The following STPG2 variants were observed in gnomAD, a reference collection of about 807,000 sequenced individuals.
STPG2 encodes the protein sperm tail PG-rich repeat containing 2, also known as sperm-tail PG-rich repeat-containing protein 2.
Under a neutral mutation model 54.2 loss-of-function variants are expected in STPG2, and 56 were observed. The observed-to-expected ratio is 1.03, with a 90% CI of 0.83 to 1.29. The LOEUF is 1.29. Ranked by LOEUF, STPG2 falls within the 50% of genes most tolerant of loss-of-function variation. The pLI is 0.00. For missense variants in STPG2, 596 were observed against 544.9 expected, an observed-to-expected ratio of 1.09 and a Z score of -0.93; for synonymous variants, 200 against 181.8, an observed-to-expected ratio of 1.10 and a Z score of -0.81.
chr4:97,545,306 T>C (rs1048288141), intron 4 of STPG2, among the ~76,000 whole-genome samples: 4 of 152,102 alleles, frequency 2.6e-5, no homozygotes, highest in East Asian at 1.9e-4. Flanking sequence ...TAGAGAAGCA[T>C]TGGCTCATAA....
chr4:97,863,897 G>GCAA, intron 8 of STPG2, among the ~76,000 whole-genome samples: 1 of 148,602 alleles, frequency 6.7e-6, no homozygotes, highest in Non-Finnish European at 1.5e-5. Context: ...ACAAAATTCA[G>GCAA]CCCTTCATGC....
intron 10 of STPG2, among the ~76,000 whole-genome samples, chr4:97,683,183 T>C (rs942330907): frequency 2.0e-5 from 3 of 151,784 alleles, no homozygotes; most frequent in Admixed American, 2.0e-4. Flanking sequence ...TCTTGTCACA[T>C]TACAATGAGC....
chr4:97,635,270 C>T (rs1056577067), intron 10 of STPG2, among the ~76,000 whole-genome samples: 1 of 152,194 alleles, frequency 6.6e-6, no homozygotes, highest in African/African-American at 2.4e-5. Context: ...AAATAAAATA[C>T]TTTACAGAGA....
At chr4:97,905,294 C>T (rs1731362045) in intron 8 of STPG2, among the ~76,000 whole-genome samples, 2 of 152,010 alleles carry the variant, frequency 1.3e-5, no homozygotes, top group South Asian at 2.1e-4. Context: ...ACAGTGGGGG[C>T]CAATATTCAA....
intron 2 of STPG2, among the ~76,000 whole-genome samples, chr4:98,130,694 G>A (rs1373651135): frequency 4.0e-5 from 6 of 151,788 alleles, no homozygotes; most frequent in African/African-American, 9.7e-5. Flanking sequence ...AGGCCGAGGC[G>A]GGTGGATCAC....
At chr4:97,697,554 T>C (rs1723617475) in intron 10 of STPG2, among the ~76,000 whole-genome samples, 1 of 152,192 alleles carries the variant, frequency 6.6e-6, no homozygotes, top group African/African-American at 2.4e-5. Flanking sequence ...CTGCGAGAAG[T>C]AGCTCACTGT....
chr4:97,702,510 G>C (rs1723808733), intron 10 of STPG2, among the ~76,000 whole-genome samples: 1 of 152,118 alleles, frequency 6.6e-6, no homozygotes, highest in Non-Finnish European at 1.5e-5. Flanking sequence ...GCAAATGGGG[G>C]CATTAGGGGT....
chr4:97,449,007 T>C (rs2148796452), intron 4 of STPG2, among the ~76,000 whole-genome samples: 1 of 152,242 alleles, frequency 6.6e-6, no homozygotes, highest in Admixed American at 6.5e-5. Context: ...CAATGCCATT[T>C]ATTGATATCT....
intron 6 of STPG2, among the ~76,000 whole-genome samples, chr4:97,977,645 G>C (rs1166825423): frequency 1.3e-5 from 2 of 152,196 alleles, no homozygotes; most frequent in African/African-American, 4.8e-5. Context: ...TTTTATCTGA[G>C]AAGTGCTAGA....
chr4:97,466,222 G>A (rs571430976), intron 4 of STPG2, among the ~76,000 whole-genome samples: 10 of 152,184 alleles, frequency 6.6e-5, no homozygotes, highest in African/African-American at 1.9e-4. Flanking sequence ...CAAGGCCGTA[G>A]AGTCTATTTG....
chr4:97,837,439 T>C (rs923241510), intron 9 of STPG2, among the ~76,000 whole-genome samples: 3 of 151,742 alleles, frequency 2.0e-5, no homozygotes, highest in Non-Finnish European at 4.4e-5. Flanking sequence ...AACAGGTCAA[T>C]GTGAGAGATA....
At chr4:97,919,694 A>G (rs1241798946) in intron 8 of STPG2, among the ~76,000 whole-genome samples, 1 of 152,154 alleles carries the variant, frequency 6.6e-6, no homozygotes, top group Non-Finnish European at 1.5e-5. Flanking sequence ...AGAAAAATCT[A>G]AGGTCCAGAA....
At chr4:97,904,682 C>G (rs906091016) in intron 8 of STPG2, among the ~76,000 whole-genome samples, 1 of 152,068 alleles carries the variant, frequency 6.6e-6, no homozygotes, top group Non-Finnish European at 1.5e-5. Flanking sequence ...ACATTCAAAC[C>G]AAAGGCAAAG....
intron 10 of STPG2, among the ~76,000 whole-genome samples, chr4:97,661,154 C>A (rs1360656073): frequency 6.6e-6 from 1 of 151,986 alleles, no homozygotes; most frequent in Non-Finnish European, 1.5e-5. Context: ...AGTAATGATT[C>A]CGTGGGTAAT....
chr4:97,560,792 A>G (rs998099468), intron 10 of STPG2, among the ~76,000 whole-genome samples: 1 of 152,184 alleles, frequency 6.6e-6, no homozygotes. Context: ...TATTCTCAGA[A>G]GGTGACAACA....
chr4:98,138,806 C>CA, intron 1 of STPG2, among the ~76,000 whole-genome samples: 1 of 152,022 alleles, frequency 6.6e-6, no homozygotes, highest in Non-Finnish European at 1.5e-5. Context: ...ACTCCCCCAC[C>CA]AAAAAAGAAA....
chr4:97,824,819 G>A (rs1728204026), intron 9 of STPG2, among the ~76,000 whole-genome samples: 1 of 152,120 alleles, frequency 6.6e-6, no homozygotes, highest in Admixed American at 6.6e-5. Flanking sequence ...CATTTTACGG[G>A]GGCAGCCTAG....
rs1237309532 is a variant in STPG2, at chr4:97,763,989, AC to A, written c.1205-51176del. Among the ~76,000 whole-genome samples, 9 of 151,176 alleles carry A rather than the reference AC, an allele frequency of 6.0e-5. No individual in the cohort carries two copies. The South Asian group carries it at 1.7e-3, about 28-fold the overall frequency. Reference sequence around the variant, plus strand: ...ATCCTCATCTTGCACCACTTTCCTAACCCCTCCCTATTTTAGCCACATGTGC... The same window carrying A: ...ATCCTCATCTTGCACCACTTTCCTAACCCTCCCTATTTTAGCCACATGTGC... On this transcript the variant is annotated intron_variant, in intron 9 of 10. Transcript: ENST00000295268.
chr4:98,030,992 T>C (rs1327514753), intron 5 of STPG2, among the ~76,000 whole-genome samples: 2 of 152,152 alleles, frequency 1.3e-5, no homozygotes, highest in Non-Finnish European at 2.9e-5. Flanking sequence ...GGCATCACAC[T>C]ACCTGATTTC....
Sources: gnomAD v4.1 joint callset for allele counts (sites outside exome capture counted in the v4.1 genomes callset) on GRCh38, gnomAD v4.1.1 for gene constraint, MANE v1.5 for transcripts, NCBI Gene and HGNC (gene_info 2026-07-23, HGNC 2026-07-21) for gene names.